The following GALNT12 variants were observed in gnomAD, a reference collection of about 807,000 sequenced individuals.
GALNT12 encodes polypeptide N-acetylgalactosaminyltransferase 12.
A neutral mutation model predicts 55.5 loss-of-function variants in GALNT12; 45 were observed. The observed-to-expected ratio is 0.81, with a 90% CI of 0.64 to 1.04. GALNT12 has a LOEUF of 1.04. GALNT12 is among the 50% of genes least tolerant of loss of function. GALNT12 has a pLI of 0.00. For synonymous variants in GALNT12, 304 were observed against 312.2 expected (o/e 0.97, Z 0.28); for missense variants, 709 against 754.8 (o/e 0.94, Z 0.71).
chr9:98,835,436 T>C, intron 5 of GALNT12, 70 bp downstream of exon 5: 2 of 961,986 alleles, frequency 2.1e-6, no homozygotes, highest in East Asian at 2.4e-5. Context: ...TGGGATTTGC[T>C]GTAAGAGCCT....
chr9:98,835,504 T>A, intron 5 of GALNT12, 138 bp downstream of exon 5: 1 of 752,990 alleles, frequency 1.3e-6, no homozygotes, highest in East Asian at 2.5e-5. Flanking sequence ...CTTTCTTGTT[T>A]TAGCTTTTTA....
At position 98,840,228 on chromosome 9, in the gene GALNT12, A is replaced by T. The variant is rs539127283; in HGVS notation, c.1344+95A>T. On this transcript the variant is annotated intron_variant, in intron 7 of 9. Coordinates refer to ENST00000375011, the MANE Select transcript of GALNT12 (RefSeq NM_024642.5). ...GGGCAAGAAAGGCCACGTCATGGGG[A>T]GCACTGGCTTCCTCCACTCCCACCC... 6.0e-6 allele frequency: 9 copies of T among 1,502,630 alleles called. No individual in the cohort carries two copies. In the East Asian group the frequency reaches 2.0e-4, roughly 34 times the overall value. The allele number at this position is 1,502,630 out of a possible 1,614,324, so 93.1% of individuals were successfully genotyped here. A position where few individuals can be genotyped will look rare whatever the true frequency, so the allele number is the denominator to read the frequency against.
intron 7 of GALNT12, 129 bp downstream of exon 7, chr9:98,840,262 AC>A: frequency 2.5e-5 from 22 of 895,100 alleles, no homozygotes; most frequent in Non-Finnish European, 2.9e-5. Flanking sequence ...CCGCCTGCCC[AC>A]CCCCCACCAC....
chr9:98,843,813 C>G (rs1836352476), intron 7 of GALNT12, among the ~76,000 whole-genome samples: 1 of 152,164 alleles, frequency 6.6e-6, no homozygotes, highest in Non-Finnish European at 1.5e-5. Flanking sequence ...AGCAGTAAGG[C>G]TGCTACTAAT....
chr9:98,835,488 T>C, intron 5 of GALNT12, 122 bp downstream of exon 5: 3 of 771,932 alleles, frequency 3.9e-6, no homozygotes, highest in Non-Finnish European at 7.1e-6. Context: ...CCTATAAACA[T>C]GCTTGCTTTC....
rs1836248367 is a variant in GALNT12 at position 98,840,034 on chromosome 9, G to A, written c.1245G>A (p.Gln415=). 1 of 1,614,202 alleles carries A rather than the reference G, an allele frequency of 6.2e-7. No individual in the cohort carries two copies. ...TTGGGGATGTGACAGAGAGGAAGCA[G>A]CTCCGGGACAAGCTCCAGTGTAAAG... ...EPFGDVTERK[Q]LRDKLQCKDF... Residue 415 remains glutamine, a synonymous_variant, in exon 7 of 10, where the codon CAG becomes CAA. Coordinates refer to ENST00000375011, the MANE Select transcript of GALNT12 (RefSeq NM_024642.5).
chr9:98,846,240 T>A, intron 9 of GALNT12, 117 bp downstream of exon 9: 1 of 1,341,678 alleles, frequency 7.5e-7, no homozygotes, highest in Non-Finnish European at 1.1e-6. Flanking sequence ...TGGCCATGCA[T>A]GGACAGGAGC....
chr9:98,819,531 A>C (rs1395926811), intron 1 of GALNT12, among the ~76,000 whole-genome samples: 2 of 152,156 alleles, frequency 1.3e-5, no homozygotes, highest in Non-Finnish European at 2.9e-5. Context: ...GCCAGCCCCT[A>C]TCAGAGATTC....
rs1205316416 is a variant in GALNT12 at position 98,849,652 on chromosome 9, G to A, written c.*560G>A. 2.4e-6 allele frequency: 1 copy of A among 409,378 alleles called. No homozygotes were observed. The highest frequency in any genetic ancestry group is 4.3e-6 in the Non-Finnish European group (1 of 232,152). 25.4% of individuals were successfully genotyped at this position (409,378 alleles called of 1,614,324 possible). A position where few individuals can be genotyped will look rare whatever the true frequency, so the allele number is the denominator to read the frequency against. ...TGTATTTTAAAAAGAATGCTTTTTG[G>A]TTATGTGTTGCTACCACAGTTAACA... On this transcript the variant is annotated 3_prime_UTR_variant, in exon 10 of 10. Coordinates refer to ENST00000375011, the MANE Select transcript of GALNT12 (RefSeq NM_024642.5).
intron 2 of GALNT12, 43 bp from the exon 3 acceptor site, chr9:98,826,709 G>T: frequency 1.3e-6 from 2 of 1,590,240 alleles, no homozygotes; most frequent in South Asian, 2.3e-5. Flanking sequence ...GCGCTCCTCC[G>T]AGATTGTCAC....
At chr9:98,823,200 C>G (rs765163302) in intron 1 of GALNT12, 56 bp from the exon 2 acceptor site, 23 of 1,520,162 alleles carry the variant, frequency 1.5e-5, no homozygotes, top group Non-Finnish European at 2.1e-5. Context: ...GTCACTCCAT[C>G]CCCAGTGCCA....
rs970183774 is a variant in GALNT12 at position 98,847,665 on chromosome 9, G to C, written c.1606-1287G>C. ...TTCATATGTGAAAAGGATACAGCTT[G>C]ATTTATTATATTTCATCAGTCATGC... is the stretch of plus-strand genomic sequence containing the variant. On this transcript the variant is annotated intron_variant, in intron 9 of 9. Transcript: ENST00000375011. Among the ~76,000 whole-genome samples the C allele has an allele frequency of 1.3e-5, 2 of 152,016 alleles. 1 individual carries two copies. Among genetic ancestry groups the C allele is most frequent in the East Asian group, 3.9e-4 (2 of 5,194 alleles).
intron 1 of GALNT12, among the ~76,000 whole-genome samples, chr9:98,822,456 T>A (rs1220655085): frequency 6.6e-6 from 1 of 151,918 alleles, no homozygotes; most frequent in East Asian, 1.9e-4. Flanking sequence ...AGCTTATTGG[T>A]TCTAATCACT....
At chr9:98,815,432 T>G (rs1462240808) in intron 1 of GALNT12, among the ~76,000 whole-genome samples, 1 of 152,224 alleles carries the variant, frequency 6.6e-6, no homozygotes, top group Non-Finnish European at 1.5e-5. Context: ...ATTAAATGCA[T>G]TTTCTACTTA....
chr9:98,828,915 C>A (rs1001313970), intron 3 of GALNT12, among the ~76,000 whole-genome samples: 6 of 151,746 alleles, frequency 4.0e-5, no homozygotes, highest in African/African-American at 1.5e-4. Context: ...CTGCAACCTC[C>A]GCCTCCCAAG....
intron 8 of GALNT12, among the ~76,000 whole-genome samples, chr9:98,845,080 C>T (rs556857055): frequency 1.3e-5 from 2 of 152,282 alleles, no homozygotes; most frequent in East Asian, 3.9e-4. Context: ...CCCCTGCAAC[C>T]TTAAATTATT....
chr9:98,813,568 G>A (rs1432427039), intron 1 of GALNT12, among the ~76,000 whole-genome samples: 2 of 151,754 alleles, frequency 1.3e-5, no homozygotes, highest in Admixed American at 1.3e-4. Context: ...TGCGATCTCA[G>A]CTCACTGCAA....
intron 1 of GALNT12, among the ~76,000 whole-genome samples, chr9:98,814,360 G>GGC (rs1835566944): frequency 1.3e-5 from 2 of 152,098 alleles, no homozygotes; most frequent in Non-Finnish European, 2.9e-5. Flanking sequence ...CAGAGGATAT[G>GGC]ATTTGATTTT....
At chr9:98,833,708 C>T (rs1420742208) in intron 4 of GALNT12, among the ~76,000 whole-genome samples, 1 of 151,966 alleles carries the variant, frequency 6.6e-6, no homozygotes, top group Non-Finnish European at 1.5e-5. Flanking sequence ...TCTGTAGGAG[C>T]CCTTAGTGAG....
Sources: gnomAD v4.1 joint callset for allele counts (sites outside exome capture counted in the v4.1 genomes callset) on GRCh38, gnomAD v4.1.1 for gene constraint, MANE v1.5 for transcripts, NCBI Gene and HGNC (gene_info 2026-07-23, HGNC 2026-07-21) for gene names.